COP1: variants seen among roughly 807,000 people sequenced by gnomAD.
COP1 encodes the protein E3 ubiquitin-protein ligase COP1.
A neutral mutation model predicts 101.3 loss-of-function variants in COP1; 24 were observed. That is an observed-to-expected ratio of 0.24 (90% CI 0.17 to 0.33). COP1 has a LOEUF of 0.33. Among genes scored for constraint, COP1 ranks in the 10% least tolerant of loss-of-function variants. The pLI, the probability that COP1 is intolerant of heterozygous loss-of-function variation, is 1.00. For synonymous variants in COP1, 347 were observed against 341.9 expected, an observed-to-expected ratio of 1.01 and a Z score of -0.17; for missense variants, 663 against 906.2, an observed-to-expected ratio of 0.73 and a Z score of 3.45.
intron 14 of COP1, among the ~76,000 whole-genome samples, chr1:176,036,507 C>CAAAAA (rs77138527): frequency 1.6e-5 from 2 of 127,340 alleles, no homozygotes; most frequent in African/African-American, 6.1e-5. Context: ...AACAAAAAAA[C>CAAAAA]AAAAAAAAAA....
At chr1:176,203,883 G>A (rs1700556031) in intron 1 of COP1, among the ~76,000 whole-genome samples, 2 of 152,146 alleles carry the variant, frequency 1.3e-5, no homozygotes, top group Admixed American at 1.3e-4. Context: ...TCAAGGAGGG[G>A]AGAAGGACAG....
chr1:175,993,239 T>A (rs547797505), intron 15 of COP1, among the ~76,000 whole-genome samples: 3 of 152,158 alleles, frequency 2.0e-5, no homozygotes, highest in African/African-American at 7.2e-5. Context: ...CAAAAACCCA[T>A]CTGTATATCA....
chr1:175,970,395 A>G (rs1430516385), intron 18 of COP1, among the ~76,000 whole-genome samples: 1 of 152,196 alleles, frequency 6.6e-6, no homozygotes, highest in African/African-American at 2.4e-5. Flanking sequence ...CAATGAAGAA[A>G]CTTTCTTAAT....
intron 1 of COP1, among the ~76,000 whole-genome samples, chr1:176,193,135 A>C (rs1303615533): frequency 1.3e-5 from 2 of 152,164 alleles, no homozygotes; most frequent in African/African-American, 4.8e-5. Context: ...CACAACCTTT[A>C]AAGAGTAATA....
In COP1 at chr1:176,109,009, GGCTGAGGCTGGAGAATC is replaced by G. The variant is rs989934299; in HGVS notation, c.1026+7598_1026+7614del. On this transcript the variant is annotated intron_variant, in intron 9 of 19. Coordinates refer to ENST00000367669, the MANE Select transcript of COP1 (RefSeq NM_022457.7). The stretch of plus-strand genomic sequence containing the variant: ...CACCTGCAGTCTCAGCTACTCGGGA[GGCTGAGGCTGGAGAATC>G]GCTTGAACCCGGGAGGTGGAGGTTG... Among the ~76,000 whole-genome samples, 49 of 152,196 alleles carry G rather than the reference GGCTGAGGCTGGAGAATC, an allele frequency of 3.2e-4. 3 individuals carry two copies. The East Asian group carries it at 6.0e-3, about 19-fold the overall frequency.
At chr1:176,181,506 T>A (rs1697751962) in intron 2 of COP1, among the ~76,000 whole-genome samples, 1 of 152,084 alleles carries the variant, frequency 6.6e-6, no homozygotes, top group Non-Finnish European at 1.5e-5. Flanking sequence ...GCCAACATTA[T>A]GGCCTCTATT....
chr1:176,087,653 G>C (rs1300112256), intron 9 of COP1, among the ~76,000 whole-genome samples: 4 of 152,184 alleles, frequency 2.6e-5, no homozygotes, highest in African/African-American at 9.7e-5. Flanking sequence ...TTACACTGTT[G>C]GTGGGAGTAT....
chr1:175,992,366 TC>T (rs1426293700), intron 15 of COP1, among the ~76,000 whole-genome samples: 1 of 152,224 alleles, frequency 6.6e-6, no homozygotes, highest in Non-Finnish European at 1.5e-5. Context: ...ACCAGGTTCA[TC>T]TCACTAGGGA....
intron 15 of COP1, among the ~76,000 whole-genome samples, chr1:176,001,633 T>G (rs1661627111): frequency 6.6e-6 from 1 of 152,142 alleles, no homozygotes; most frequent in Non-Finnish European, 1.5e-5. Context: ...ATAAAAATTC[T>G]TTACAAAAAA....
intron 14 of COP1, among the ~76,000 whole-genome samples, chr1:176,029,793 C>T (rs571139063): frequency 6.6e-6 from 1 of 152,274 alleles, no homozygotes; most frequent in Non-Finnish European, 1.5e-5. Context: ...ATAAATACCA[C>T]TTCTATGAAA....
intron 3 of COP1, 45 bp downstream of exon 3, chr1:176,175,864 TG>T: frequency 1.8e-6 from 2 of 1,116,044 alleles, no homozygotes; most frequent in Non-Finnish European, 2.7e-6. Context: ...CACACAATTT[TG>T]GGGATCGAAA....
At chr1:176,014,777 AT>A (rs1282448817) in intron 15 of COP1, among the ~76,000 whole-genome samples, 2 of 152,290 alleles carry the variant, frequency 1.3e-5, no homozygotes, top group Admixed American at 1.3e-4. Context: ...CACTATACAT[AT>A]ATACACACTA....
chr1:176,135,232 C>T (rs1689617865), intron 7 of COP1, 146 bp from the exon 8 acceptor site: 2 of 524,910 alleles, frequency 3.8e-6, no homozygotes, highest in Admixed American at 6.9e-5. Flanking sequence ...GCTTCCTCTC[C>T]ACAGAATACA....
At chr1:176,054,731 C>G (rs1673155593) in intron 11 of COP1, among the ~76,000 whole-genome samples, 2 of 152,166 alleles carry the variant, frequency 1.3e-5, no homozygotes, top group Admixed American at 1.3e-4. Context: ...ATTTTTCCAT[C>G]TATCCTGGAT....
chr1:175,977,810 A>G (rs991961767), intron 18 of COP1, among the ~76,000 whole-genome samples: 1 of 152,124 alleles, frequency 6.6e-6, no homozygotes, highest in African/African-American at 2.4e-5. Context: ...TATTAAATCC[A>G]TTTTATTCAA....
intron 9 of COP1, among the ~76,000 whole-genome samples, chr1:176,099,505 G>GTC (rs145354415): frequency 0.032 from 4,534 of 143,834 alleles, 203 homozygotes; most frequent in African/African-American, 0.11. Context: ...GAGCATATTT[G>GTC]TCTCTCTCTC....
chr1:176,062,982 G>A (rs954132473), intron 11 of COP1, among the ~76,000 whole-genome samples: 1 of 151,628 alleles, frequency 6.6e-6, no homozygotes, highest in African/African-American at 2.4e-5. Context: ...ATAGTTGCCT[G>A]TGGCAGGAGT....
At chr1:176,083,512 A>T (rs1476764455) in intron 10 of COP1, among the ~76,000 whole-genome samples, 1 of 152,218 alleles carries the variant, frequency 6.6e-6, no homozygotes, top group African/African-American at 2.4e-5. Context: ...GTGTTTTATC[A>T]TCAACATCCA....
chr1:176,043,152 G>GA (rs1670934414), intron 14 of COP1, 34 bp downstream of exon 14: 1 of 1,304,032 alleles, frequency 7.7e-7, no homozygotes, highest in African/African-American at 1.5e-5. Context: ...GGGCCAGGGA[G>GA]AAGGAGGTGC....
Sources: gnomAD v4.1 joint callset for allele counts (sites outside exome capture counted in the v4.1 genomes callset) on GRCh38, gnomAD v4.1.1 for gene constraint, MANE v1.5 for transcripts, NCBI Gene and HGNC (gene_info 2026-07-23, HGNC 2026-07-21) for gene names.